GNAQ: variants seen among roughly 807,000 people sequenced by gnomAD.
GNAQ encodes guanine nucleotide-binding protein G(q) subunit alpha.
GNAQ carries 8 observed loss-of-function variants against 43.9 expected under a neutral mutation model. The ratio of observed to expected loss-of-function variants is 0.18; its 90% CI spans 0.11 to 0.33. GNAQ has a LOEUF of 0.33. Ranked by LOEUF, GNAQ falls within the 10% of genes least tolerant of loss-of-function variation. GNAQ has a pLI of 1.00. For synonymous variants in GNAQ, 155 were observed against 170.7 expected (o/e 0.91, Z 0.71); for missense variants, 158 against 450.8 (o/e 0.35, Z 5.88).
At chr9:77,768,609 A>T (rs1224997192) in intron 5 of GNAQ, among the ~76,000 whole-genome samples, 1 of 152,246 alleles carries the variant, frequency 6.6e-6, no homozygotes. Context: ...CGGCAAGCAG[A>T]AAAGCAGTTG....
At position 77,718,032 on chromosome 9, in the gene GNAQ, C is replaced by A; in HGVS notation, c.*3291G>T. ...AGGAATTCTCTGGGGGTTAGAACTG[C>A]CATGTCACGCAAAAAGGGAAAAATC... On this transcript the variant is annotated 3_prime_UTR_variant, in exon 7 of 7. Transcript: ENST00000286548. 4.3e-6 allele frequency: 1 copy of A among 232,848 alleles called. No homozygotes were observed. The highest frequency in any genetic ancestry group is 8.5e-6 in the Non-Finnish European group (1 of 117,802). 14.4% of individuals were successfully genotyped at this position (232,848 alleles called of 1,614,324 possible).
chr9:77,984,355 G>A (rs1435412466), intron 1 of GNAQ, among the ~76,000 whole-genome samples: 1 of 151,924 alleles, frequency 6.6e-6, no homozygotes, highest in African/African-American at 2.4e-5. Flanking sequence ...TCTTTGTAGA[G>A]ATGGGGTCTT....
chr9:77,883,458 GT>G (rs531622228), intron 2 of GNAQ, among the ~76,000 whole-genome samples: 11,297 of 138,836 alleles, frequency 0.081, 456 homozygotes, highest in South Asian at 0.12. Flanking sequence ...AAAGGGGGTA[GT>G]TTTTTTTTTT....
intron 5 of GNAQ, among the ~76,000 whole-genome samples, chr9:77,762,279 C>T (rs1341268339): frequency 3.3e-4 from 48 of 147,234 alleles, no homozygotes; most frequent in African/African-American, 1.2e-3. Flanking sequence ...TGGCCAGCCG[C>T]CCCGTCCGGG....
chr9:77,753,169 TAA>T, intron 5 of GNAQ, among the ~76,000 whole-genome samples: 1 of 150,122 alleles, frequency 6.7e-6, no homozygotes, highest in Non-Finnish European at 1.5e-5. Flanking sequence ...AAATGGGATA[TAA>T]GTCCAATTTT....
At chr9:77,851,568 G>A (rs1266955092) in intron 2 of GNAQ, among the ~76,000 whole-genome samples, 1 of 152,160 alleles carries the variant, frequency 6.6e-6, no homozygotes, top group Non-Finnish European at 1.5e-5. Context: ...CATTCTAAAT[G>A]TTTTGCTTTT....
chr9:77,925,854 C>T (rs1829064218), intron 1 of GNAQ, among the ~76,000 whole-genome samples: 1 of 152,110 alleles, frequency 6.6e-6, no homozygotes, highest in Non-Finnish European at 1.5e-5. Flanking sequence ...CAAGGATGCT[C>T]AAGTACCTGA....
At chr9:77,886,832 C>T (rs537125149) in intron 2 of GNAQ, among the ~76,000 whole-genome samples, 32 of 151,958 alleles carry the variant, frequency 2.1e-4, no homozygotes, top group Non-Finnish European at 3.4e-4. Context: ...AATACGCAGC[C>T]GGGCACGGTG....
intron 1 of GNAQ, among the ~76,000 whole-genome samples, chr9:78,016,201 A>G (rs940856635): frequency 1.3e-5 from 2 of 152,218 alleles, no homozygotes; most frequent in Non-Finnish European, 2.9e-5. Flanking sequence ...TCCATATGAG[A>G]CCAAAAAGCA....
At chr9:77,781,018 C>A (rs1416853931) in intron 5 of GNAQ, among the ~76,000 whole-genome samples, 1 of 151,184 alleles carries the variant, frequency 6.6e-6, no homozygotes, top group Non-Finnish European at 1.5e-5. Context: ...TATATTAACC[C>A]CCTGTTGGAT....
chr9:77,998,264 C>T (rs1587453513), intron 1 of GNAQ, among the ~76,000 whole-genome samples: 3 of 152,212 alleles, frequency 2.0e-5, no homozygotes, highest in South Asian at 2.1e-4. Flanking sequence ...GATAGGGCAA[C>T]GGCACCTCTC....
At chr9:77,934,100 A>T (rs1023223490) in intron 1 of GNAQ, among the ~76,000 whole-genome samples, 2 of 152,200 alleles carry the variant, frequency 1.3e-5, no homozygotes, top group Admixed American at 6.5e-5. Flanking sequence ...TCAAGAGATC[A>T]GCTACAGGCA....
chr9:77,791,795 G>C (rs1422468285), intron 5 of GNAQ, among the ~76,000 whole-genome samples: 1 of 152,144 alleles, frequency 6.6e-6, no homozygotes, highest in East Asian at 1.9e-4. Context: ...TCCATTCCTA[G>C]GTTTTTCTCA....
At chr9:77,966,094 C>T (rs751046599) in intron 1 of GNAQ, among the ~76,000 whole-genome samples, 2 of 152,024 alleles carry the variant, frequency 1.3e-5, no homozygotes, top group Non-Finnish European at 2.9e-5. Context: ...ACTGTATGTT[C>T]CCTCAGGTGT....
At chr9:77,931,401 G>T (rs776808277) in intron 1 of GNAQ, among the ~76,000 whole-genome samples, 9 of 151,944 alleles carry the variant, frequency 5.9e-5, no homozygotes, top group Admixed American at 1.3e-4. Flanking sequence ...GACCATCCTG[G>T]TTAACACAGT....
In GNAQ at chr9:78,031,245, G is replaced by A. The variant is rs1824055041; in HGVS notation, c.-10C>T. 4 of 1,493,284 alleles carry A rather than the reference G, an allele frequency of 2.7e-6. No individual in the cohort carries two copies. The highest frequency in any genetic ancestry group is 3.6e-6 in the Non-Finnish European group (4 of 1,111,960). The allele number at this position is 1,493,284 out of a possible 1,614,324, so 92.5% of individuals were successfully genotyped here. A position where few individuals can be genotyped will look rare whatever the true frequency, so the allele number is the denominator to read the frequency against. ...TGGACTCCAGAGTCATTCTTCCAAA[G>A]TGCCTCCGCTGCAGCCCCGCCGGCA... is the stretch of plus-strand genomic sequence containing the variant. On this transcript the variant is annotated 5_prime_UTR_variant, in exon 1 of 7. Transcript: ENST00000286548.
chr9:77,874,638 T>C (rs1291997145), intron 2 of GNAQ, among the ~76,000 whole-genome samples: 1 of 152,082 alleles, frequency 6.6e-6, no homozygotes, highest in Non-Finnish European at 1.5e-5. Flanking sequence ...TTTTTTTCTT[T>C]TTCTGAGACA....
At position 77,870,772 on chromosome 9, in the gene GNAQ, A is replaced by C. The variant is rs2118026355; in HGVS notation, c.321+51389T>G. Among the ~76,000 whole-genome samples the C allele has an allele frequency of 2.0e-5, 3 of 152,314 alleles. 1 individual carries two copies. In the Middle Eastern group the frequency reaches 0.01, roughly 518 times the overall value. ...TAAACTGTGGTACATTCCAAATAAA[A>C]TACTACTAACCAATAAAAAAGGAAA... On this transcript the variant is annotated intron_variant, in intron 2 of 6. Transcript: ENST00000286548.
At chr9:77,898,791 T>C (rs1279031682) in intron 2 of GNAQ, among the ~76,000 whole-genome samples, 1 of 152,224 alleles carries the variant, frequency 6.6e-6, no homozygotes, top group Non-Finnish European at 1.5e-5. Context: ...GAATTTATTA[T>C]ATCCATCTAG....
Sources: gnomAD v4.1 joint callset for allele counts (sites outside exome capture counted in the v4.1 genomes callset) on GRCh38, gnomAD v4.1.1 for gene constraint, MANE v1.5 for transcripts, NCBI Gene and HGNC (gene_info 2026-07-23, HGNC 2026-07-21) for gene names.